SH3PXD2A: variants seen among roughly 807,000 people sequenced by gnomAD.
SH3PXD2A encodes the protein SH3 and PX domains 2A, also known as SH3 and PX domain-containing protein 2A.
Under a neutral mutation model 115.2 loss-of-function variants are expected in SH3PXD2A, and 32 were observed. The ratio of observed to expected loss-of-function variants is 0.28; its 90% CI spans 0.21 to 0.37. The LOEUF (loss-of-function observed/expected upper bound fraction) is 0.37. SH3PXD2A is among the 10% of genes least tolerant of loss of function. The pLI is 1.00. For missense variants in SH3PXD2A, 1,328 were observed against 1,498.7 expected (o/e 0.89, Z 1.88); for synonymous variants, 610 against 629.1 (o/e 0.97, Z 0.45).
intron 5 of SH3PXD2A, among the ~76,000 whole-genome samples, chr10:103,707,089 C>T (rs978307730): frequency 1.3e-5 from 2 of 152,152 alleles, no homozygotes; most frequent in Non-Finnish European, 2.9e-5. Flanking sequence ...TCTATGGCCT[C>T]CTTCACCCCT....
At chr10:103,701,933 A>C (rs762663647) in intron 5 of SH3PXD2A, among the ~76,000 whole-genome samples, 2 of 148,748 alleles carry the variant, frequency 1.3e-5, no homozygotes, top group African/African-American at 5.0e-5. Context: ...CCATCCATCC[A>C]TCCTTCATCC....
chr10:103,596,663 A>ACACACTCTCTCTCTCTCTCTCT lies in SH3PXD2A; in HGVS notation c.*5152_*5153insAGAGAGAGAGAGAGAGAGTGTG. 51 of 124,510 alleles carry ACACACTCTCTCTCTCTCTCTCT rather than the reference A, an allele frequency of 4.1e-4. No individual in the cohort carries two copies. The highest frequency in any genetic ancestry group is 1.4e-3 in the African/African-American group (46 of 31,750). 7.7% of individuals were successfully genotyped at this position (124,510 alleles called of 1,614,324 possible). On this transcript the variant is annotated 3_prime_UTR_variant, in exon 15 of 15. Coordinates refer to ENST00000369774, the MANE Select transcript of SH3PXD2A (RefSeq NM_001394015.1). ...CACACACACACACACACACACACAC[A>ACACACTCTCTCTCTCTCTCTCT]CTCTCTCTCTCTCTCTCTCTCTCAC... is the stretch of plus-strand genomic sequence containing the variant.
intron 8 of SH3PXD2A, among the ~76,000 whole-genome samples, chr10:103,651,781 G>C (rs987759553): frequency 3.3e-5 from 5 of 152,312 alleles, no homozygotes; most frequent in Admixed American, 6.5e-5. Flanking sequence ...CTCTTAGCTA[G>C]CACGAGCAGG....
chr10:103,734,338 G>A (rs2038355950), intron 4 of SH3PXD2A, among the ~76,000 whole-genome samples: 1 of 152,140 alleles, frequency 6.6e-6, no homozygotes, highest in Non-Finnish European at 1.5e-5. Context: ...ATGGTGCCCA[G>A]TAGAAACATT....
At chr10:103,632,175 A>C (rs1459828480) in intron 8 of SH3PXD2A, among the ~76,000 whole-genome samples, 2 of 151,836 alleles carry the variant, frequency 1.3e-5, no homozygotes, top group Non-Finnish European at 2.9e-5. Flanking sequence ...TAAAAAAAAA[A>C]CCAACCACAT....
chr10:103,807,943 G>A (rs566515470), intron 1 of SH3PXD2A, among the ~76,000 whole-genome samples: 1 of 152,274 alleles, frequency 6.6e-6, no homozygotes, highest in South Asian at 2.1e-4. Context: ...TCATTGTCAG[G>A]CTCTTACCCA....
intron 8 of SH3PXD2A, among the ~76,000 whole-genome samples, chr10:103,653,669 C>T (rs947386496): frequency 1.3e-5 from 2 of 152,210 alleles, no homozygotes; most frequent in African/African-American, 2.4e-5. Context: ...CACTGCCCCA[C>T]CTGCCTGCCT....
intron 2 of SH3PXD2A, among the ~76,000 whole-genome samples, chr10:103,777,440 G>C (rs1428964381): frequency 6.6e-6 from 1 of 152,252 alleles, no homozygotes; most frequent in Non-Finnish European, 1.5e-5. Flanking sequence ...GCGTGCGTGG[G>C]CCAGGGTTGG....
chr10:103,692,933 CT>C (rs2037775897), intron 6 of SH3PXD2A, 94 bp downstream of exon 6: 3 of 995,798 alleles, frequency 3.0e-6, no homozygotes, highest in African/African-American at 1.6e-5. Flanking sequence ...CAACCCCCCC[CT>C]CCCCGCCCCC....
At chr10:103,848,838 T>C (rs1236478543) in intron 1 of SH3PXD2A, among the ~76,000 whole-genome samples, 1 of 152,064 alleles carries the variant, frequency 6.6e-6, no homozygotes, top group Non-Finnish European at 1.5e-5. Context: ...AGCAAATACT[T>C]ATGCTGAGCT....
rs2038763108 is a variant in SH3PXD2A, at chr10:103,767,127, C to A, written c.196G>T (p.Asp66Tyr). The A allele has an allele frequency of 1.2e-6, 2 of 1,614,068 alleles. No homozygotes were observed. Among genetic ancestry groups the A allele is most frequent in the Non-Finnish European group, 1.7e-6 (2 of 1,179,946 alleles). The change falls in exon 3 of 15, where the codon GAC becomes TAC. Residue 66 changes from aspartate (D) to tyrosine (Y), a missense_variant. Physicochemically the swap from Asp to Tyr is radical, Grantham distance 160 (BLOSUM62 -3). Transcript: ENST00000369774. ...DKFPIEGGQK[D>Y]PKQRIIPFLP... Reference sequence around the variant, plus strand: ...AAGGGGATGATCCTTTGCTTGGGGTCCTTCTGGCCACCTTCAATGGGAAAC... The same window carrying A: ...AAGGGGATGATCCTTTGCTTGGGGTACTTCTGGCCACCTTCAATGGGAAAC...
chr10:103,778,211 T>G (rs1194589797), intron 2 of SH3PXD2A, among the ~76,000 whole-genome samples: 1 of 151,976 alleles, frequency 6.6e-6, no homozygotes, highest in Non-Finnish European at 1.5e-5. Flanking sequence ...CGGATGCCTG[T>G]AGTCCCAGCT....
intron 2 of SH3PXD2A, among the ~76,000 whole-genome samples, chr10:103,777,421 G>T (rs1376149473): frequency 6.6e-6 from 1 of 152,254 alleles, no homozygotes; most frequent in East Asian, 1.9e-4. Context: ...CAGGGGAGCT[G>T]CCCAGCTGGC....
At chr10:103,684,177 G>T (rs1196735591) in intron 6 of SH3PXD2A, among the ~76,000 whole-genome samples, 1 of 152,066 alleles carries the variant, frequency 6.6e-6, no homozygotes, top group Non-Finnish European at 1.5e-5. Context: ...CTTCAGGACA[G>T]CCCTCCTCAC....
At chr10:103,653,564 CCAGTAGGTCCACAGAGT>C (rs2037162731) in intron 8 of SH3PXD2A, among the ~76,000 whole-genome samples, 1 of 152,188 alleles carries the variant, frequency 6.6e-6, no homozygotes, top group Admixed American at 6.5e-5. Context: ...GTCCACAGAG[CCAGTAGGTCCACAGAGT>C]CAGGCCACAG....
At chr10:103,731,602 G>A (rs2038320598) in intron 4 of SH3PXD2A, among the ~76,000 whole-genome samples, 1 of 152,220 alleles carries the variant, frequency 6.6e-6, no homozygotes. Flanking sequence ...GGCCACTCAG[G>A]AGGCACCTCA....
intron 8 of SH3PXD2A, among the ~76,000 whole-genome samples, chr10:103,660,463 G>A (rs1271916853): frequency 1.3e-5 from 2 of 152,154 alleles, no homozygotes; most frequent in Non-Finnish European, 2.9e-5. Context: ...CCTCCAGCTC[G>A]GCAGGGGGCA....
chr10:103,795,983 A>C (rs1345440379), intron 2 of SH3PXD2A, among the ~76,000 whole-genome samples: 1 of 151,876 alleles, frequency 6.6e-6, no homozygotes, highest in African/African-American at 2.4e-5. Context: ...TACCCTGATA[A>C]GAATTCTCAA....
intron 1 of SH3PXD2A, among the ~76,000 whole-genome samples, chr10:103,804,620 C>A (rs1405631571): frequency 2.0e-5 from 3 of 152,046 alleles, no homozygotes; most frequent in Non-Finnish European, 2.9e-5. Flanking sequence ...CCTCATCTGA[C>A]CGGTTGACAC....
Sources: allele counts gnomAD v4.1 joint callset (sites outside exome capture counted in the v4.1 genomes callset), GRCh38; gene constraint gnomAD v4.1.1; transcripts MANE v1.5; gene names NCBI Gene and HGNC (gene_info 2026-07-23, HGNC 2026-07-21).